SCHIP1: variants seen among roughly 807,000 people sequenced by gnomAD.
SCHIP1 encodes the protein schwannomin-interacting protein 1.
SCHIP1 carries 8 observed loss-of-function variants against 29.7 expected under a neutral mutation model. The ratio of observed to expected loss-of-function variants is 0.27; its 90% CI spans 0.16 to 0.49. The LOEUF (loss-of-function observed/expected upper bound fraction) is 0.49, where lower values mean the gene tolerates loss of function less well. Ranked by LOEUF, SCHIP1 falls within the 20% of genes least tolerant of loss-of-function variation. The pLI is 0.99. For missense variants in SCHIP1, 193 were observed against 294.6 expected (o/e 0.66, Z 2.52); for synonymous variants, 76 against 94.9 (o/e 0.80, Z 1.16).
chr3:159,378,749 C>T, the SCHIP1 span, among the ~76,000 whole-genome samples: 125,544 of 152,172 alleles, frequency 0.83, 52,175 homozygotes, highest in African/African-American at 0.9. Flanking sequence ...TATTATCACG[C>T]AGACACAGCC....
the SCHIP1 span, among the ~76,000 whole-genome samples, chr3:159,381,468 A>G: frequency 5.9e-3 from 904 of 152,314 alleles, 7 homozygotes; most frequent in African/African-American, 0.021. Context: ...TTTGTCTTAT[A>G]TCACATATCT....
chr3:159,467,186 T>A, the SCHIP1 span, among the ~76,000 whole-genome samples: 1 of 152,104 alleles, frequency 6.6e-6, no homozygotes, highest in East Asian at 1.9e-4. Context: ...TAAATATCTT[T>A]TCACACCAAA....
chr3:159,471,975 C>T, the SCHIP1 span, among the ~76,000 whole-genome samples: 3 of 151,944 alleles, frequency 2.0e-5, no homozygotes, highest in Non-Finnish European at 4.4e-5. Flanking sequence ...AAAAGTATTC[C>T]CTTCTCTGGT....
At chr3:159,545,588 CTGTGTGTG>C in the SCHIP1 span, among the ~76,000 whole-genome samples, 62 of 146,916 alleles carry the variant, frequency 4.2e-4, no homozygotes, top group Non-Finnish European at 7.5e-4. Context: ...ATATATATGT[CTGTGTGTG>C]TGTGTGTGTA....
the SCHIP1 span, among the ~76,000 whole-genome samples, chr3:159,552,997 T>C: frequency 2.0e-5 from 3 of 152,174 alleles, no homozygotes. Flanking sequence ...CTATAGATAT[T>C]AGTTACTGTC....
the SCHIP1 span, among the ~76,000 whole-genome samples, chr3:159,637,414 CA>C: frequency 1.4e-5 from 2 of 142,186 alleles, no homozygotes; most frequent in Non-Finnish European, 3.0e-5. Context: ...CACACACACA[CA>C]CACACACCTG....
chr3:159,454,797 C>A, the SCHIP1 span, among the ~76,000 whole-genome samples: 2 of 152,146 alleles, frequency 1.3e-5, no homozygotes, highest in African/African-American at 4.8e-5. Context: ...GGTCACACAG[C>A]AATCTGAAGG....
At chr3:159,399,592 C>G in the SCHIP1 span, among the ~76,000 whole-genome samples, 1 of 152,158 alleles carries the variant, frequency 6.6e-6, no homozygotes, top group Non-Finnish European at 1.5e-5. Context: ...CTATCAATCA[C>G]TCTCTCCCCT....
chr3:159,639,048 C>G, the SCHIP1 span, among the ~76,000 whole-genome samples: 1 of 152,006 alleles, frequency 6.6e-6, no homozygotes, highest in Non-Finnish European at 1.5e-5. Flanking sequence ...TAATTCTCAA[C>G]TGCTTATTAA....
chr3:159,390,522 T>C, the SCHIP1 span, among the ~76,000 whole-genome samples: 53 of 152,076 alleles, frequency 3.5e-4, no homozygotes, highest in Non-Finnish European at 5.6e-4. Flanking sequence ...AAGGGGATTA[T>C]GGACACGAAA....
chr3:159,667,369 G>A, the SCHIP1 span, among the ~76,000 whole-genome samples: 3 of 152,224 alleles, frequency 2.0e-5, no homozygotes, highest in African/African-American at 7.2e-5. Context: ...TGCAACCAGT[G>A]GGTGACATGG....
chr3:159,492,495 G>A, the SCHIP1 span, among the ~76,000 whole-genome samples: 2 of 152,162 alleles, frequency 1.3e-5, no homozygotes, highest in East Asian at 1.9e-4. Flanking sequence ...GGAAGAAAGG[G>A]TATCAGCGAT....
At chr3:159,384,492 A>G in the SCHIP1 span, among the ~76,000 whole-genome samples, 98,162 of 125,062 alleles carry the variant, frequency 0.78, 39,129 homozygotes, top group Non-Finnish European at 0.82. Flanking sequence ...TTTTTGATGC[A>G]CTGCTGGATT....
the SCHIP1 span, among the ~76,000 whole-genome samples, chr3:159,511,000 A>G: frequency 1.1e-4 from 17 of 152,340 alleles, no homozygotes; most frequent in East Asian, 5.8e-4. Flanking sequence ...AAAGCTGTCA[A>G]ACAGGGACAT....
At chr3:159,379,324 C>T in the SCHIP1 span, among the ~76,000 whole-genome samples, 18 of 151,772 alleles carry the variant, frequency 1.2e-4, no homozygotes, top group Admixed American at 7.2e-4. Flanking sequence ...CAGGTTCAAG[C>T]GATTCTCCTG....
chr3:159,466,936 TA>T, the SCHIP1 span, among the ~76,000 whole-genome samples: 2 of 152,146 alleles, frequency 1.3e-5, no homozygotes, highest in South Asian at 4.1e-4. Flanking sequence ...TGTTTTGTTT[TA>T]GTCCCCCCAA....
the SCHIP1 span, among the ~76,000 whole-genome samples, chr3:159,326,328 T>C: frequency 6.6e-6 from 1 of 152,192 alleles, no homozygotes; most frequent in African/African-American, 2.4e-5. Flanking sequence ...CTCAGTATTA[T>C]TGTACTATTA....
At chr3:159,274,497 T>C in the SCHIP1 span, 1 of 721,556 alleles carries the variant, frequency 1.4e-6, no homozygotes, top group Non-Finnish European at 1.7e-6. Context: ...ATAGTACTTT[T>C]AGCATTATTG....
chr3:159,663,683 T>C, the SCHIP1 span, among the ~76,000 whole-genome samples: 1 of 152,228 alleles, frequency 6.6e-6, no homozygotes, highest in Non-Finnish European at 1.5e-5. Flanking sequence ...TAATAACTGA[T>C]ATATGCAGAA....
Sources: gnomAD v4.1 joint callset for allele counts (sites outside exome capture counted in the v4.1 genomes callset) on GRCh38, gnomAD v4.1.1 for gene constraint, MANE v1.5 for transcripts, NCBI Gene and HGNC (gene_info 2026-07-23, HGNC 2026-07-21) for gene names.